Variants in F9 observed in about 807,000 individuals in gnomAD.
F9 encodes coagulation factor IX.
A neutral mutation model predicts 34.1 loss-of-function variants in F9; 2 were observed. The ratio of observed to expected loss-of-function variants is 0.06; its 90% CI spans 0.02 to 0.18. F9 has a LOEUF of 0.18. F9 is among the 10% of genes least tolerant of loss of function. The pLI is 1.00. For synonymous variants in F9, 137 were observed against 118.8 expected (o/e 1.15, Z -1.00); for missense variants, 216 against 345.1 (o/e 0.63, Z 2.96).
chrX:139,546,589 A>C (rs1927723675), intron 4 of F9, among the ~76,000 whole-genome samples: 1 of 112,200 alleles, frequency 8.9e-6, no homozygotes, highest in Non-Finnish European at 1.9e-5. Flanking sequence ...GTACATATAG[A>C]AAACCCAAAG....
intron 5 of F9, among the ~76,000 whole-genome samples, chrX:139,549,188 C>G (rs936032962): frequency 9.0e-6 from 1 of 111,243 alleles, no homozygotes; most frequent in Non-Finnish European, 1.9e-5. Context: ...TCTGCAGGGT[C>G]AATTATATTT....
At chrX:139,536,155 AT>A (rs1438186580) in intron 1 of F9, among the ~76,000 whole-genome samples, 8 of 106,086 alleles carry the variant, frequency 7.5e-5, no homozygotes, top group Admixed American at 5.2e-4. Context: ...TATGATATAT[AT>A]GTGTGTGTAT....
At chrX:139,544,847 A>C (rs1371469678) in intron 4 of F9, 1 of 111,949 alleles carries the variant, frequency 8.9e-6, no homozygotes, top group African/African-American at 3.2e-5. Context: ...AGTGGGAAGA[A>C]GCGGTGAAAG....
Position 139,537,075 on chromosome X carries a change from T to C in F9, c.154T>C (p.Leu52=), listed in dbSNP as rs1470729875. The part of the protein sequence containing the change: ...NRPKRYNSGK[L]EEFVQGNLER... The stretch of plus-strand genomic sequence containing the variant: ...GCCAAAGAGGTATAATTCAGGTAAA[T>C]TGGAAGAGTTTGTTCAAGGGAACCT... The change falls in exon 2 of 8, where the codon TTG becomes CTG. Residue 52 remains leucine (L), a synonymous_variant. Coordinates refer to ENST00000218099, the MANE Select transcript of F9 (RefSeq NM_000133.4). The C allele has an allele frequency of 2.5e-6, 3 of 1,208,392 alleles. No homozygotes were observed. The highest frequency in any genetic ancestry group is 2.2e-6 in the Non-Finnish European group (2 of 893,791).
chrX:139,561,496 G>A (rs759620776), intron 7 of F9, 28 bp from the exon 8 acceptor site: 2 of 1,174,122 alleles, frequency 1.7e-6, no homozygotes, highest in Non-Finnish European at 2.3e-6. Context: ...TACTGTTTGT[G>A]ACTTAAAATG....
chrX:139,553,738 G>A (rs946678620), intron 6 of F9, among the ~76,000 whole-genome samples: 1 of 104,224 alleles, frequency 9.6e-6, no homozygotes, highest in African/African-American at 3.5e-5. Flanking sequence ...GCGTGAACCG[G>A]GGAGGCGGAG....
rs1413898107 is a variant in F9, at chrX:139,541,306, T to TTTCAC, written c.391+117_391+118insTTCAC. ...TTCTTAAAAACATACCTTTGATGCT[T>TTTCAC]ATAAACATTTCATTTGTAGTGATAG... On this transcript the variant is annotated intron_variant, in intron 4 of 7. Transcript: ENST00000218099. 5 of 420,340 alleles carry TTTCAC rather than the reference T, an allele frequency of 1.2e-5. No homozygotes were observed. In the East Asian group the frequency reaches 2.8e-4, roughly 23 times the overall value. 34.6% of individuals were successfully genotyped at this position (420,340 alleles called of 1,213,427 possible).
chrX:139,547,482 A>G (rs1435289401), intron 4 of F9: 1 of 111,224 alleles, frequency 9.0e-6, no homozygotes. Flanking sequence ...TGAACCCCAT[A>G]CAGTGATGGT....
chrX:139,560,363 TC>T (rs1928070807), intron 6 of F9, among the ~76,000 whole-genome samples: 1 of 112,094 alleles, frequency 8.9e-6, no homozygotes, highest in Non-Finnish European at 1.9e-5. Context: ...ACTATTAATC[TC>T]AAGGAGTCAA....
At chrX:139,558,916 A>G (rs946018626) in intron 6 of F9, among the ~76,000 whole-genome samples, 4 of 112,089 alleles carry the variant, frequency 3.6e-5, no homozygotes, top group Non-Finnish European at 7.5e-5. Flanking sequence ...TCCACAGACC[A>G]TGCCTGGACC....
At chrX:139,554,606 G>T (rs4149720) in intron 6 of F9, among the ~76,000 whole-genome samples, 1,425 of 112,419 alleles carry the variant, frequency 0.013, 27 homozygotes, top group African/African-American at 0.043. Context: ...CCATGTCATG[G>T]TTAATCTGCA....
chrX:139,536,232 CAT>C (rs1357775357), intron 1 of F9, among the ~76,000 whole-genome samples: 1 of 101,698 alleles, frequency 9.8e-6, no homozygotes, highest in East Asian at 3.0e-4. Context: ...TATGTACACA[CAT>C]ATATGTATAT....
rs1222617621 is a variant in F9, at chrX:139,561,649, G to A, written c.964G>A (p.Asp322Asn). ...CCATGACATTGCCCTTCTGGAACTG[G>A]ACGAACCCTTAGTGCTAAACAGCTA... ...YNHDIALLEL[D>N]EPLVLNSYVT... The change falls in exon 8 of 8, where the codon GAC becomes AAC. Residue 322 changes from aspartate (D) to asparagine (N), a missense_variant. Asp to Asn is a conservative substitution (Grantham distance 23). Coordinates refer to ENST00000218099, the MANE Select transcript of F9 (RefSeq NM_000133.4). The A allele has an allele frequency of 1.7e-6, 2 of 1,210,262 alleles. No individual in the cohort carries two copies. Among genetic ancestry groups the A allele is most frequent in the Admixed American group, 4.4e-5 (2 of 45,747 alleles).
chrX:139,541,890 A>G (rs959452822), intron 4 of F9, among the ~76,000 whole-genome samples: 26 of 112,066 alleles, frequency 2.3e-4, no homozygotes, highest in African/African-American at 8.1e-4. Flanking sequence ...TAATTGGAGC[A>G]GTAAACCCCA....
intron 6 of F9, 85 bp downstream of exon 6, chrX:139,551,349 C>T: frequency 1.2e-6 from 1 of 835,083 alleles, no homozygotes; most frequent in Non-Finnish European, 1.8e-6. Flanking sequence ...TTTTACTAGA[C>T]AGACCTATTG....
At chrX:139,559,109 C>T (rs1190441682) in intron 6 of F9, among the ~76,000 whole-genome samples, 1 of 112,433 alleles carries the variant, frequency 8.9e-6, no homozygotes, top group Non-Finnish European at 1.9e-5. Flanking sequence ...CTTTAAAACA[C>T]CACAATGATT....
At chrX:139,534,483 C>G (rs4149670) in intron 1 of F9, among the ~76,000 whole-genome samples, 5,900 of 110,505 alleles carry the variant, frequency 0.053, 146 homozygotes, top group Middle Eastern at 0.08. Flanking sequence ...TCCACAGCCA[C>G]AGATTCAATT....
intron 6 of F9, among the ~76,000 whole-genome samples, chrX:139,556,282 G>A (rs947074305): frequency 1.8e-5 from 2 of 111,969 alleles, no homozygotes; most frequent in African/African-American, 3.2e-5. Flanking sequence ...TACAGAAAAT[G>A]TCCAGGGAAA....
At chrX:139,551,758 G>A (rs757220383) in intron 6 of F9, among the ~76,000 whole-genome samples, 1 of 111,888 alleles carries the variant, frequency 8.9e-6, no homozygotes, top group African/African-American at 3.2e-5. Context: ...TCTCGTGGTA[G>A]CATCAGAATC....
Sources: gnomAD v4.1 joint callset for allele counts (sites outside exome capture counted in the v4.1 genomes callset) on GRCh38, gnomAD v4.1.1 for gene constraint, MANE v1.5 for transcripts, NCBI Gene and HGNC (gene_info 2026-07-23, HGNC 2026-07-21) for gene names.